The following BMERB1 variants were observed in gnomAD, a reference collection of about 807,000 sequenced individuals.
The protein encoded by BMERB1 is bMERB domain containing 1.
A neutral mutation model predicts 23.6 loss-of-function variants in BMERB1; 12 were observed. The observed-to-expected ratio is 0.51, with a 90% confidence interval of 0.33 to 0.82. BMERB1 has a LOEUF of 0.82. Ranked by LOEUF, BMERB1 falls within the 40% of genes least tolerant of loss-of-function variation. The pLI is 0.03. For missense variants in BMERB1, 247 were observed against 255.4 expected (o/e 0.97, Z 0.22); for synonymous variants, 122 against 96.6 (o/e 1.26, Z -1.54).
At chr16:15,438,478 T>C (rs1202462046) in intron 1 of BMERB1, among the ~76,000 whole-genome samples, 1 of 151,132 alleles carries the variant, frequency 6.6e-6, no homozygotes, top group Non-Finnish European at 1.5e-5. Context: ...TTTTTTTTTT[T>C]TGAGACAGGG....
chr16:15,495,677 T>C (rs1243992805), intron 1 of BMERB1, among the ~76,000 whole-genome samples: 1 of 152,184 alleles, frequency 6.6e-6, no homozygotes, highest in Non-Finnish European at 1.5e-5. Context: ...ACTTTTATTA[T>C]CTTAATATCA....
chr16:15,490,314 T>C (rs977813333), intron 1 of BMERB1, among the ~76,000 whole-genome samples: 4 of 152,264 alleles, frequency 2.6e-5, no homozygotes, highest in African/African-American at 9.6e-5. Flanking sequence ...GGAGACAGGA[T>C]CTCTGTCACT....
At chr16:15,470,793 G>A (rs2051222977) in intron 1 of BMERB1, among the ~76,000 whole-genome samples, 1 of 148,422 alleles carries the variant, frequency 6.7e-6, no homozygotes, top group African/African-American at 2.5e-5. Context: ...CAAAGTGCTG[G>A]GATTATAGGC....
intron 1 of BMERB1, among the ~76,000 whole-genome samples, chr16:15,445,426 G>T (rs955575465): frequency 1.3e-5 from 2 of 152,162 alleles, no homozygotes; most frequent in Non-Finnish European, 2.9e-5. Context: ...TAAGTAGGGG[G>T]CTGGCAGCAG....
intron 2 of BMERB1, among the ~76,000 whole-genome samples, chr16:15,542,631 A>ATTTTTTTT (rs927255507): frequency 2.1e-5 from 2 of 96,864 alleles, no homozygotes; most frequent in African/African-American, 4.3e-5. Context: ...CCTCCTAGGG[A>ATTTTTTTT]TTTTTTTTTT....
rs1318092623 is a variant in BMERB1 at position 15,443,277 on chromosome 16, G to C, written c.106+8518G>C. On this transcript the variant is annotated intron_variant, in intron 1 of 5. Coordinates refer to ENST00000300006, the MANE Select transcript of BMERB1 (RefSeq NM_033201.3). ...CTCAAAAAAAAACACCACAGGCTGG[G>C]TGCGGTGGCTCTCATGTGTAATCCC... Among the ~76,000 whole-genome samples the C allele has an allele frequency of 2.6e-5, 4 of 151,478 alleles. No homozygotes were observed. The East Asian group carries it at 7.8e-4, about 30-fold the overall frequency.
intron 1 of BMERB1, among the ~76,000 whole-genome samples, chr16:15,443,911 C>T (rs574938716): frequency 6.0e-4 from 90 of 151,258 alleles, no homozygotes; most frequent in Non-Finnish European, 1.1e-3. Flanking sequence ...GACTCTGTCT[C>T]CAAAAACAAA....
chr16:15,530,868 G>A (rs905928700), intron 2 of BMERB1, among the ~76,000 whole-genome samples: 12 of 151,062 alleles, frequency 7.9e-5, no homozygotes, highest in African/African-American at 2.9e-4. Flanking sequence ...CAAGCTATGT[G>A]GAACTGTGAG....
At chr16:15,446,009 G>A (rs1180662360) in intron 1 of BMERB1, among the ~76,000 whole-genome samples, 1 of 152,184 alleles carries the variant, frequency 6.6e-6, no homozygotes, top group Non-Finnish European at 1.5e-5. Context: ...AGTACATACT[G>A]TATGAGTCCG....
chr16:15,464,686 C>T (rs2051166657), intron 1 of BMERB1, among the ~76,000 whole-genome samples: 1 of 152,136 alleles, frequency 6.6e-6, no homozygotes, highest in African/African-American at 2.4e-5. Flanking sequence ...CACTTGTAAA[C>T]TGTCATAGTG....
intron 3 of BMERB1, among the ~76,000 whole-genome samples, chr16:15,580,678 GCTGGGA>G (rs375888142): frequency 1.8e-3 from 271 of 151,438 alleles, no homozygotes; most frequent in African/African-American, 6.3e-3. Flanking sequence ...CTCCCGAGTA[GCTGGGA>G]CTACAGGCAC....
chr16:15,527,265 C>CATTCTGCTTT (rs1298983258), intron 2 of BMERB1, among the ~76,000 whole-genome samples: 1 of 152,154 alleles, frequency 6.6e-6, no homozygotes. Flanking sequence ...TGGTAACCAG[C>CATTCTGCTTT]ATTCTGCTTT....
chr16:15,464,312 TAA>T (rs528828210), intron 1 of BMERB1, among the ~76,000 whole-genome samples: 54 of 103,914 alleles, frequency 5.2e-4, no homozygotes, highest in African/African-American at 5.5e-4. Context: ...GACTTCATCT[TAA>T]AAAAAAAAAA....
chr16:15,451,330 A>G (rs2051039421), intron 1 of BMERB1, among the ~76,000 whole-genome samples: 2 of 151,956 alleles, frequency 1.3e-5, no homozygotes, highest in Admixed American at 6.6e-5. Context: ...AGCTGGGACC[A>G]CAGGTGCATG....
At chr16:15,570,203 G>A (rs2030688430) in intron 3 of BMERB1, among the ~76,000 whole-genome samples, 2 of 152,084 alleles carry the variant, frequency 1.3e-5, no homozygotes, top group Non-Finnish European at 1.5e-5. Context: ...AGGCTGTTCT[G>A]CAGCAAGCTC....
At chr16:15,486,420 A>G (rs561574292) in intron 1 of BMERB1, among the ~76,000 whole-genome samples, 4 of 151,944 alleles carry the variant, frequency 2.6e-5, no homozygotes, top group Non-Finnish European at 4.4e-5. Flanking sequence ...CACCACCTCT[A>G]CCTCTTGACT....
At chr16:15,471,255 A>T (rs1419415014) in intron 1 of BMERB1, among the ~76,000 whole-genome samples, 1 of 152,086 alleles carries the variant, frequency 6.6e-6, no homozygotes, top group Non-Finnish European at 1.5e-5. Context: ...TGGCCTATGG[A>T]TGTCCAATTT....
chr16:15,437,482 CTT>C (rs2050898500), intron 1 of BMERB1, among the ~76,000 whole-genome samples: 1 of 152,184 alleles, frequency 6.6e-6, no homozygotes, highest in African/African-American at 2.4e-5. Flanking sequence ...TGCTTTTACT[CTT>C]TGCAAGGAAT....
At chr16:15,477,913 G>A (rs963696651) in intron 1 of BMERB1, among the ~76,000 whole-genome samples, 1 of 152,110 alleles carries the variant, frequency 6.6e-6, no homozygotes. Flanking sequence ...GCTGTGTTAT[G>A]TCTGTGAGTT....
Sources: allele counts gnomAD v4.1 joint callset (sites outside exome capture counted in the v4.1 genomes callset), GRCh38; gene constraint gnomAD v4.1.1; transcripts MANE v1.5; gene names NCBI Gene and HGNC (gene_info 2026-07-23, HGNC 2026-07-21).